Variants in HMGN5 observed in about 807,000 individuals in gnomAD.
HMGN5 encodes the protein high mobility group nucleosome-binding domain-containing protein 5.
In HMGN5, 4 loss-of-function variants were observed where a neutral mutation model predicts 9.5. The ratio of observed to expected loss-of-function variants is 0.42; its 90% CI spans 0.21 to 0.96. The LOEUF (loss-of-function observed/expected upper bound fraction) is 0.96, where lower values mean the gene tolerates loss of function less well. HMGN5 is among the 40% of genes least tolerant of loss of function. The probability of loss-of-function intolerance (pLI) is 0.30; values close to 1 mark genes in which losing one functional copy is unlikely to be tolerated. For synonymous variants in HMGN5, 55 were observed against 57.1 expected (o/e 0.96, Z 0.16); for missense variants, 192 against 187.5 (o/e 1.02, Z -0.14).
chrX:81,186,749 A>G (rs2075478548), intron 1 of HMGN5, among the ~76,000 whole-genome samples: 1 of 111,097 alleles, frequency 9.0e-6, no homozygotes, highest in South Asian at 3.7e-4. Flanking sequence ...AGATGTTTTG[A>G]TATAGGCATG....
At chrX:81,147,662 T>C (rs777414192) in intron 1 of HMGN5, among the ~76,000 whole-genome samples, 5 of 111,502 alleles carry the variant, frequency 4.5e-5, no homozygotes, top group Non-Finnish European at 9.4e-5. Context: ...AAATAAAAGA[T>C]ATTCAATTAG....
chrX:81,167,453 TACACACACAC>T (rs371953666), intron 1 of HMGN5, among the ~76,000 whole-genome samples: 28 of 102,923 alleles, frequency 2.7e-4, no homozygotes, highest in African/African-American at 9.4e-4. Context: ...CATATTTGTG[TACACACACAC>T]ACACACACAC....
At chrX:81,160,010 G>A (rs957224202) in intron 1 of HMGN5, among the ~76,000 whole-genome samples, 7 of 111,328 alleles carry the variant, frequency 6.3e-5, no homozygotes, top group African/African-American at 2.3e-4. Context: ...AAATCTTAAG[G>A]GAAAACTGTT....
At chrX:81,189,400 C>A (rs1386517747) in intron 1 of HMGN5, among the ~76,000 whole-genome samples, 1 of 111,713 alleles carries the variant, frequency 9.0e-6, no homozygotes, top group East Asian at 2.8e-4. Flanking sequence ...CTACCTACCC[C>A]CAGCCCCTGG....
intron 1 of HMGN5, among the ~76,000 whole-genome samples, chrX:81,148,375 T>C (rs1252533055): frequency 8.9e-6 from 1 of 111,834 alleles, no homozygotes; most frequent in Non-Finnish European, 1.9e-5. Flanking sequence ...AAACAAGCAA[T>C]TGGGAAAGGA....
chrX:81,115,074 C>G lies in HMGN5; in HGVS notation c.424G>C (p.Gly142Arg), dbSNP rs759091435. The G allele has an allele frequency of 1.3e-5, 15 of 1,159,046 alleles. No homozygotes were observed. Among genetic ancestry groups the G allele is most frequent in the Non-Finnish European group, 1.7e-5 (15 of 870,234 alleles). ...EDEEDQNEEK[G>R]EAGKEDKDEK... ...TCTTTGTCTTCTTTTCCAGCTTCCCCTTTCTCTTCGTTTTGATCTTCTTCA... is the reference window on the plus strand; with the variant it reads ...TCTTTGTCTTCTTTTCCAGCTTCCCGTTTCTCTTCGTTTTGATCTTCTTCA... Residue 142 changes from glycine (G) to arginine (R), a missense_variant, in exon 7 of 7, where the codon GGG (glycine) becomes CGG (arginine). Physicochemically the swap from Gly to Arg is moderately radical, Grantham distance 125 (BLOSUM62 -2). Transcript: ENST00000358130.
intron 1 of HMGN5, among the ~76,000 whole-genome samples, chrX:81,139,269 G>A (rs989323659): frequency 1.8e-5 from 2 of 112,285 alleles, no homozygotes; most frequent in Non-Finnish European, 3.8e-5. Flanking sequence ...CAGAAGAATA[G>A]GTGCATAGGC....
At chrX:81,177,868 C>T (rs2033572641) in intron 1 of HMGN5, among the ~76,000 whole-genome samples, 2 of 112,156 alleles carry the variant, frequency 1.8e-5, no homozygotes, top group South Asian at 7.3e-4. Context: ...AACTGTCTCT[C>T]AGACCACAGT....
In HMGN5 at chrX:81,155,102, TAC is replaced by T. The variant is rs1205557645; in HGVS notation, c.-123-33432_-123-33431del. 7.1e-3 allele frequency among the ~76,000 whole-genome samples: 645 copies of T among 91,035 alleles called. 8 individuals are homozygous for T. Among genetic ancestry groups the T allele is most frequent in the African/African-American group, 0.025 (619 of 24,883 alleles). The allele number at this position is 91,035 out of a possible 115,157, so 79.1% of individuals were successfully genotyped here. ...ATATATATATATATATATATATATA[TAC>T]ACACACACATACACATATATATATA... On this transcript the variant is annotated intron_variant, in intron 1 of 6. Transcript: ENST00000358130.
intron 1 of HMGN5, among the ~76,000 whole-genome samples, chrX:81,133,322 G>A (rs759386802): frequency 2.7e-5 from 3 of 110,962 alleles, no homozygotes; most frequent in African/African-American, 9.8e-5. Flanking sequence ...TACTAAAGAC[G>A]GAAGTACCAT....
At chrX:81,134,660 G>A (rs1235916686) in intron 1 of HMGN5, among the ~76,000 whole-genome samples, 1 of 111,297 alleles carries the variant, frequency 9.0e-6, no homozygotes, top group Non-Finnish European at 1.9e-5. Flanking sequence ...AAGGGACACA[G>A]ACCAGTCAAA....
chrX:81,160,684 C>T (rs1359849339), intron 1 of HMGN5, among the ~76,000 whole-genome samples: 1 of 111,716 alleles, frequency 9.0e-6, no homozygotes, highest in Non-Finnish European at 1.9e-5. Context: ...ATCCATATCC[C>T]TGCAAAGGAC....
intron 1 of HMGN5, among the ~76,000 whole-genome samples, chrX:81,152,534 T>G (rs2075366522): frequency 9.1e-6 from 1 of 110,444 alleles, no homozygotes; most frequent in Non-Finnish European, 1.9e-5. Context: ...GGAACACTTT[T>G]ACACTGTTGG....
intron 1 of HMGN5, among the ~76,000 whole-genome samples, chrX:81,132,168 T>A (rs1276466863): frequency 3.6e-5 from 4 of 110,796 alleles, no homozygotes; most frequent in Admixed American, 1.9e-4. Flanking sequence ...AGGTGAAAGA[T>A]CTTTACAAGG....
intron 1 of HMGN5, among the ~76,000 whole-genome samples, chrX:81,179,568 G>A (rs2075454397): frequency 9.0e-6 from 1 of 111,564 alleles, no homozygotes. Flanking sequence ...CAAACAAATG[G>A]AAAAACATTC....
chrX:81,187,290 C>T (rs757364838), intron 1 of HMGN5, among the ~76,000 whole-genome samples: 3 of 111,180 alleles, frequency 2.7e-5, no homozygotes, highest in African/African-American at 9.8e-5. Context: ...TGCTGAAAGT[C>T]GGGTGTTTGA....
Position 81,114,508 on chromosome X carries a change from A to G in HMGN5, c.*141T>C, listed in dbSNP as rs942860778. On this transcript the variant is annotated 3_prime_UTR_variant, in exon 7 of 7. Coordinates refer to ENST00000358130, the MANE Select transcript of HMGN5 (RefSeq NM_030763.3). ...CATGTTAGAAACTTTATGGCTAATAATCAATATGAAGATGTTCTGAAATTA... is the reference window on the plus strand; with the variant it reads ...CATGTTAGAAACTTTATGGCTAATAGTCAATATGAAGATGTTCTGAAATTA... 5.6e-6 allele frequency: 3 copies of G among 536,619 alleles called. No individual in the cohort carries two copies. The highest frequency in any genetic ancestry group is 7.9e-6 in the Non-Finnish European group (3 of 378,032). The allele number at this position is 536,619 out of a possible 1,213,427, so 44.2% of individuals were successfully genotyped here.
intron 1 of HMGN5, among the ~76,000 whole-genome samples, chrX:81,160,743 T>C (rs2075395844): frequency 9.0e-6 from 1 of 111,685 alleles, no homozygotes; most frequent in Non-Finnish European, 1.9e-5. Context: ...GGTGTATATG[T>C]ACCACATTTT....
chrX:81,137,055 T>C (rs1251699498), intron 1 of HMGN5, among the ~76,000 whole-genome samples: 1 of 111,109 alleles, frequency 9.0e-6, no homozygotes, highest in Non-Finnish European at 1.9e-5. Context: ...ATGAAGCAAA[T>C]GCATGAAGCA....
Sources: gnomAD v4.1 joint callset for allele counts (sites outside exome capture counted in the v4.1 genomes callset) on GRCh38, gnomAD v4.1.1 for gene constraint, MANE v1.5 for transcripts, NCBI Gene and HGNC (gene_info 2026-07-23, HGNC 2026-07-21) for gene names.